The following TMEM108 variants were observed in gnomAD, a reference collection of about 807,000 sequenced individuals.
TMEM108 encodes transmembrane protein 108, also known as cancer/testis antigen 124.
In TMEM108, 12 loss-of-function variants were observed where a neutral mutation model predicts 35.1. That is an observed-to-expected ratio of 0.34 (90% CI 0.22 to 0.55). The LOEUF (loss-of-function observed/expected upper bound fraction) is 0.55. TMEM108 is among the 20% of genes least tolerant of loss of function. The pLI, the probability that TMEM108 is intolerant of heterozygous loss-of-function variation, is 0.89. For missense variants in TMEM108, 680 were observed against 753.3 expected (o/e 0.90, Z 1.14); for synonymous variants, 287 against 308.6 (o/e 0.93, Z 0.73).
chr3:133,292,652 A>T (rs1254105127), intron 3 of TMEM108, among the ~76,000 whole-genome samples: 4 of 152,154 alleles, frequency 2.6e-5, no homozygotes, highest in Admixed American at 2.6e-4. Context: ...GGGACCCTGG[A>T]GACAGTTTTT....
At chr3:133,373,348 CAAAA>C (rs59367666) in intron 3 of TMEM108, among the ~76,000 whole-genome samples, 5 of 79,902 alleles carry the variant, frequency 6.3e-5, no homozygotes, top group Non-Finnish European at 7.6e-5. Context: ...GACCTTGTCT[CAAAA>C]AAAAAAAAAA....
At chr3:133,384,795 CAT>C (rs766902771) in intron 4 of TMEM108, among the ~76,000 whole-genome samples, 1 of 152,214 alleles carries the variant, frequency 6.6e-6, no homozygotes, top group Non-Finnish European at 1.5e-5. Flanking sequence ...CTGTTTGTCA[CAT>C]GTGATGTCCA....
At chr3:133,111,844 G>A (rs1370387202) in intron 2 of TMEM108, among the ~76,000 whole-genome samples, 1 of 152,140 alleles carries the variant, frequency 6.6e-6, no homozygotes, top group Admixed American at 6.6e-5. Context: ...ACTGTCATCA[G>A]TAAATGGAGT....
At chr3:133,279,422 G>A (rs777098332) in intron 3 of TMEM108, among the ~76,000 whole-genome samples, 3 of 152,146 alleles carry the variant, frequency 2.0e-5, no homozygotes, top group Non-Finnish European at 2.9e-5. Context: ...CAGCCTGTCC[G>A]GTCTCCCTTT....
intron 2 of TMEM108, among the ~76,000 whole-genome samples, chr3:133,106,934 C>T (rs1431985277): frequency 1.3e-5 from 2 of 152,144 alleles, no homozygotes; most frequent in African/African-American, 4.8e-5. Context: ...TTGTTTTGAG[C>T]CATTGTGTTC....
At chr3:133,140,717 A>G (rs1944629029) in intron 2 of TMEM108, among the ~76,000 whole-genome samples, 1 of 152,208 alleles carries the variant, frequency 6.6e-6, no homozygotes, top group African/African-American at 2.4e-5. Flanking sequence ...CTCCATAAGA[A>G]GTCTTAAGCC....
chr3:133,040,208 T>TTG (rs1553726269), intron 1 of TMEM108, among the ~76,000 whole-genome samples: 2 of 135,210 alleles, frequency 1.5e-5, no homozygotes, highest in South Asian at 2.3e-4. Flanking sequence ...GTTTGTTTGT[T>TTG]TTTTTTTTTT....
At chr3:133,277,915 C>T (rs367949898) in intron 3 of TMEM108, among the ~76,000 whole-genome samples, 2 of 152,186 alleles carry the variant, frequency 1.3e-5, no homozygotes, top group East Asian at 3.9e-4. Flanking sequence ...TCAGGCTCTG[C>T]CCCATTTGAA....
chr3:133,134,154 C>T (rs955686224), intron 2 of TMEM108, among the ~76,000 whole-genome samples: 7 of 151,692 alleles, frequency 4.6e-5, no homozygotes, highest in Non-Finnish European at 7.4e-5. Flanking sequence ...TTTGTGCATT[C>T]TAGTTATCTT....
rs575694603 is a variant in TMEM108 at position 133,254,272 on chromosome 3, T to C, written c.40+24921T>C. On this transcript the variant is annotated intron_variant, in intron 3 of 5. Coordinates refer to ENST00000321871, the MANE Select transcript of TMEM108 (RefSeq NM_023943.4). Reference sequence around the variant, plus strand: ...AAAGGCAGCCAGTGAACAAACCTATTGGTCAGTAGTGGCTCTTAGTGGAGA... The same window carrying C: ...AAAGGCAGCCAGTGAACAAACCTATCGGTCAGTAGTGGCTCTTAGTGGAGA... Among the ~76,000 whole-genome samples, 13 of 152,320 alleles carry C rather than the reference T, an allele frequency of 8.5e-5. 1 individual carries two copies. Among genetic ancestry groups the C allele is most frequent in the African/African-American group, 2.9e-4 (12 of 41,556 alleles).
intron 2 of TMEM108, among the ~76,000 whole-genome samples, chr3:133,218,423 G>A (rs1945940032): frequency 6.6e-6 from 1 of 151,798 alleles, no homozygotes. Context: ...CTTTGGCTAG[G>A]ACTCTAGTAC....
intron 2 of TMEM108, among the ~76,000 whole-genome samples, chr3:133,066,331 T>C (rs1943606841): frequency 1.3e-5 from 2 of 152,148 alleles, no homozygotes; most frequent in African/African-American, 4.8e-5. Flanking sequence ...ATAATGTACA[T>C]CTCATTTATT....
chr3:133,221,278 A>G (rs1442974962), intron 2 of TMEM108, among the ~76,000 whole-genome samples: 2 of 152,180 alleles, frequency 1.3e-5, no homozygotes, highest in Non-Finnish European at 2.9e-5. Flanking sequence ...GAGCCCACCA[A>G]GAATTGCCTC....
At chr3:133,363,827 C>T (rs116451567) in intron 3 of TMEM108, among the ~76,000 whole-genome samples, 2,837 of 152,090 alleles carry the variant, frequency 0.019, 80 homozygotes, top group African/African-American at 0.057. Flanking sequence ...AATAATTAGC[C>T]CAATATATCA....
chr3:133,322,320 A>G (rs539994933), intron 3 of TMEM108, among the ~76,000 whole-genome samples: 1 of 152,318 alleles, frequency 6.6e-6, no homozygotes. Context: ...AATAAGCTCA[A>G]TTAGAAATGA....
At chr3:133,131,072 G>C (rs1440146052) in intron 2 of TMEM108, among the ~76,000 whole-genome samples, 1 of 152,112 alleles carries the variant, frequency 6.6e-6, no homozygotes, top group Non-Finnish European at 1.5e-5. Flanking sequence ...TCAGGTTTCT[G>C]CTTTTCTACC....
chr3:133,170,015 T>C (rs1424989879), intron 2 of TMEM108, among the ~76,000 whole-genome samples: 4 of 152,218 alleles, frequency 2.6e-5, no homozygotes, highest in African/African-American at 9.7e-5. Context: ...GCTCTGATGT[T>C]AACAGAGAGA....
chr3:133,044,722 G>A (rs946719997), intron 1 of TMEM108, among the ~76,000 whole-genome samples: 4 of 152,206 alleles, frequency 2.6e-5, no homozygotes, highest in African/African-American at 9.6e-5. Flanking sequence ...GAGAGGCTGA[G>A]GCAGGAGAAT....
chr3:133,273,347 ACT>A (rs1315237102), intron 3 of TMEM108, among the ~76,000 whole-genome samples: 1 of 152,064 alleles, frequency 6.6e-6, no homozygotes, highest in Non-Finnish European at 1.5e-5. Flanking sequence ...TGGTATCCAG[ACT>A]CTTAGATTCT....
Sources: gnomAD v4.1 joint callset for allele counts (sites outside exome capture counted in the v4.1 genomes callset) on GRCh38, gnomAD v4.1.1 for gene constraint, MANE v1.5 for transcripts, NCBI Gene and HGNC (gene_info 2026-07-23, HGNC 2026-07-21) for gene names.